The following SEMA6D variants were observed in gnomAD, a reference collection of about 807,000 sequenced individuals.
The protein encoded by SEMA6D is semaphorin 6D, also known as semaphorin-6D.
A neutral mutation model predicts 106.6 loss-of-function variants in SEMA6D; 35 were observed. The ratio of observed to expected loss-of-function variants is 0.33; its 90% CI spans 0.25 to 0.44. The LOEUF is 0.44. Among genes scored for constraint, SEMA6D ranks in the 20% least tolerant of loss-of-function variants. The pLI, the probability that SEMA6D is intolerant of heterozygous loss-of-function variation, is 1.00. For synonymous variants in SEMA6D, 499 were observed against 487.7 expected, an observed-to-expected ratio of 1.02 and a Z score of -0.31; for missense variants, 1,185 against 1,345.9, an observed-to-expected ratio of 0.88 and a Z score of 1.87.
In SEMA6D at chr15:47,768,783, G is replaced by T. The variant is rs192151500; in HGVS notation, c.1933+35G>T. 11 of 1,584,338 alleles carry T rather than the reference G, an allele frequency of 6.9e-6. No individual in the cohort carries two copies. In the Middle Eastern group the frequency reaches 5.1e-4, roughly 73 times the overall value. On this transcript the variant is annotated intron_variant, in intron 18 of 18. Coordinates refer to ENST00000536845, the MANE Select transcript of SEMA6D (RefSeq NM_001358351.3). ...CAGCAGGGACCTCATCTCTAACTGC[G>T]TGGAAACCTGATCCTTAATGTCACT... is the stretch of plus-strand genomic sequence containing the variant.
chr15:47,283,462 A>G, intron 1 of SEMA6D, among the ~76,000 whole-genome samples: 1 of 152,128 alleles, frequency 6.6e-6, no homozygotes, highest in East Asian at 1.9e-4. Flanking sequence ...TACAGCTTAC[A>G]TCTGTCTCCT....
intron 1 of SEMA6D, among the ~76,000 whole-genome samples, chr15:47,205,107 C>T (rs1373394999): frequency 6.6e-6 from 1 of 152,058 alleles, no homozygotes; most frequent in African/African-American, 2.4e-5. Context: ...AACTTTCTGC[C>T]TCTGAAAAGA....
intron 1 of SEMA6D, among the ~76,000 whole-genome samples, chr15:47,186,713 A>G (rs555213362): frequency 5.9e-5 from 9 of 152,310 alleles, no homozygotes; most frequent in African/African-American, 1.9e-4. Flanking sequence ...AATGAAGATT[A>G]AGACATGAAG....
At chr15:47,646,773 T>C (rs556514201) in intron 4 of SEMA6D, among the ~76,000 whole-genome samples, 21 of 152,300 alleles carry the variant, frequency 1.4e-4, no homozygotes, top group South Asian at 8.3e-4. Flanking sequence ...ATGTATTCAC[T>C]AGGTAAATGT....
At chr15:47,710,144 A>C (rs2146056131) in intron 4 of SEMA6D, among the ~76,000 whole-genome samples, 1 of 152,364 alleles carries the variant, frequency 6.6e-6, no homozygotes, top group South Asian at 2.1e-4. Flanking sequence ...AGGAACTGAA[A>C]TAGAGGCTGA....
At chr15:47,390,018 A>G (rs1478643810) in intron 1 of SEMA6D, among the ~76,000 whole-genome samples, 1 of 152,210 alleles carries the variant, frequency 6.6e-6, no homozygotes, top group Non-Finnish European at 1.5e-5. Flanking sequence ...GATGATCTTT[A>G]TATACTGTCT....
chr15:47,641,174 TGG>T (rs1434413166), intron 4 of SEMA6D, among the ~76,000 whole-genome samples: 6 of 152,140 alleles, frequency 3.9e-5, no homozygotes, highest in Non-Finnish European at 7.3e-5. Flanking sequence ...ATGTGCAGCT[TGG>T]GGATCAGGGT....
At chr15:47,698,016 C>A (rs1344802237) in intron 4 of SEMA6D, among the ~76,000 whole-genome samples, 1 of 152,186 alleles carries the variant, frequency 6.6e-6, no homozygotes, top group East Asian at 1.9e-4. Flanking sequence ...CATAGGTGAT[C>A]TTTTAGAATC....
At chr15:47,478,407 G>T (rs561025908) in intron 3 of SEMA6D, among the ~76,000 whole-genome samples, 5 of 152,292 alleles carry the variant, frequency 3.3e-5, no homozygotes, top group Non-Finnish European at 7.4e-5. Flanking sequence ...CAATTAACTT[G>T]TTGAAAGTGT....
chr15:47,586,313 T>A (rs1288419027), intron 3 of SEMA6D, among the ~76,000 whole-genome samples: 1 of 152,200 alleles, frequency 6.6e-6, no homozygotes, highest in African/African-American at 2.4e-5. Context: ...TATTAGAAGA[T>A]GAGAGCCAGC....
At chr15:47,695,543 CACA>C in intron 4 of SEMA6D, among the ~76,000 whole-genome samples, 1 of 152,204 alleles carries the variant, frequency 6.6e-6, no homozygotes, top group Non-Finnish European at 1.5e-5. Flanking sequence ...TGCACACACA[CACA>C]ACACACACAA....
At chr15:47,407,409 C>CAACAACAAA (rs1567058212) in intron 1 of SEMA6D, among the ~76,000 whole-genome samples, 1 of 118,866 alleles carries the variant, frequency 8.4e-6, no homozygotes, top group South Asian at 2.8e-4. Flanking sequence ...ACAACAACAA[C>CAACAACAAA]AAAAAAAACA....
chr15:47,304,818 G>T (rs1034204000), intron 1 of SEMA6D, among the ~76,000 whole-genome samples: 1 of 152,112 alleles, frequency 6.6e-6, no homozygotes, highest in African/African-American at 2.4e-5. Flanking sequence ...ACTAACAGTG[G>T]ACTGATTATG....
chr15:47,561,593 T>C (rs2046081983), intron 3 of SEMA6D, among the ~76,000 whole-genome samples: 1 of 151,414 alleles, frequency 6.6e-6, no homozygotes, highest in Admixed American at 6.6e-5. Context: ...ATTTAAAATA[T>C]ATAGGATATT....
intron 3 of SEMA6D, among the ~76,000 whole-genome samples, chr15:47,549,398 G>T (rs553667597): frequency 6.6e-6 from 1 of 152,248 alleles, no homozygotes; most frequent in South Asian, 2.1e-4. Context: ...GTTCCTCACG[G>T]TAGCCTTGAG....
chr15:47,606,827 A>G (rs543142120), intron 4 of SEMA6D, among the ~76,000 whole-genome samples: 3 of 152,308 alleles, frequency 2.0e-5, no homozygotes, highest in Non-Finnish European at 4.4e-5. Context: ...CTTGCTTGAA[A>G]TTCTCACAGG....
intron 4 of SEMA6D, among the ~76,000 whole-genome samples, chr15:47,632,231 T>G (rs2144532103): frequency 6.6e-6 from 1 of 152,148 alleles, no homozygotes; most frequent in African/African-American, 2.4e-5. Flanking sequence ...AGTTATGGTC[T>G]ATGTTGAAGA....
intron 1 of SEMA6D, among the ~76,000 whole-genome samples, chr15:47,332,855 A>G (rs1441129786): frequency 6.6e-6 from 1 of 152,156 alleles, no homozygotes; most frequent in East Asian, 1.9e-4. Flanking sequence ...TATGTGCACA[A>G]TATAGTGCCC....
intron 1 of SEMA6D, among the ~76,000 whole-genome samples, chr15:47,213,010 C>G (rs1270458676): frequency 6.6e-6 from 1 of 152,100 alleles, no homozygotes; most frequent in Non-Finnish European, 1.5e-5. Context: ...TTTTGGAACC[C>G]GCATAAGGGA....
Sources: gnomAD v4.1 joint callset for allele counts (sites outside exome capture counted in the v4.1 genomes callset) on GRCh38, gnomAD v4.1.1 for gene constraint, MANE v1.5 for transcripts, NCBI Gene and HGNC (gene_info 2026-07-23, HGNC 2026-07-21) for gene names.